CNTNAP5: variants seen among roughly 807,000 people sequenced by gnomAD.
CNTNAP5 encodes the protein contactin associated protein family member 5.
CNTNAP5 carries 72 observed loss-of-function variants against 150.2 expected under a neutral mutation model. The ratio of observed to expected loss-of-function variants is 0.48; its 90% CI spans 0.40 to 0.58. CNTNAP5 has a LOEUF of 0.58. Ranked by LOEUF, CNTNAP5 falls within the 20% of genes least tolerant of loss-of-function variation. CNTNAP5 has a pLI of 0.00. For missense variants in CNTNAP5, 1,636 were observed against 1,626.2 expected, an observed-to-expected ratio of 1.01 and a Z score of -0.10; for synonymous variants, 672 against 619.8, an observed-to-expected ratio of 1.08 and a Z score of -1.25.
intron 8 of CNTNAP5, among the ~76,000 whole-genome samples, chr2:124,515,307 G>A (rs1694684005): frequency 6.6e-6 from 1 of 152,128 alleles, no homozygotes; most frequent in Non-Finnish European, 1.5e-5. Flanking sequence ...CCCAAAACGT[G>A]ACTCAAACTC....
chr2:124,811,333 G>A (rs1682214091), intron 19 of CNTNAP5, among the ~76,000 whole-genome samples: 1 of 151,956 alleles, frequency 6.6e-6, no homozygotes, highest in African/African-American at 2.4e-5. Flanking sequence ...GAGAGGGTGG[G>A]GCAACAGCTG....
intron 1 of CNTNAP5, among the ~76,000 whole-genome samples, chr2:124,161,220 A>G (rs946256264): frequency 2.6e-5 from 4 of 152,142 alleles, no homozygotes; most frequent in Admixed American, 6.6e-5. Flanking sequence ...ATAGGGTGAG[A>G]TAGATGAAAG....
intron 7 of CNTNAP5, among the ~76,000 whole-genome samples, chr2:124,487,258 A>G (rs906863445): frequency 1.3e-5 from 2 of 152,206 alleles, no homozygotes; most frequent in African/African-American, 2.4e-5. Flanking sequence ...AGCTAAATAA[A>G]TATCTTCTCT....
intron 3 of CNTNAP5, among the ~76,000 whole-genome samples, chr2:124,276,008 T>C (rs1037504271): frequency 6.6e-6 from 1 of 152,068 alleles, no homozygotes; most frequent in African/African-American, 2.4e-5. Flanking sequence ...TGTTGTTTTC[T>C]TTATTTGTTT....
chr2:124,157,918 G>A (rs768721852), intron 1 of CNTNAP5, among the ~76,000 whole-genome samples: 12 of 152,178 alleles, frequency 7.9e-5, no homozygotes, highest in African/African-American at 1.7e-4. Context: ...CTAGCAAAGC[G>A]AAGGATGTTC....
At chr2:124,656,096 G>C (rs1413767273) in intron 13 of CNTNAP5, among the ~76,000 whole-genome samples, 1 of 150,466 alleles carries the variant, frequency 6.6e-6, no homozygotes, top group East Asian at 1.9e-4. Context: ...ACTGCCACTA[G>C]CCCACATTCC....
chr2:124,842,334 A>G lies in CNTNAP5; in HGVS notation c.3218-22972A>G, dbSNP rs376541489. Among the ~76,000 whole-genome samples the G allele has an allele frequency of 3.3e-5, 5 of 152,296 alleles. No individual in the cohort carries two copies. In the South Asian group the frequency reaches 6.2e-4, roughly 19 times the overall value. On this transcript the variant is annotated intron_variant, in intron 19 of 23. Coordinates refer to ENST00000682447, the MANE Select transcript of CNTNAP5 (RefSeq NM_001367498.1). ...AGTGTACCTTTTATACATGCAACAG[A>G]GACTGAATTCAAAGGGCAGGCCTGA...
chr2:124,676,543 AC>A (rs1335128375), intron 13 of CNTNAP5, among the ~76,000 whole-genome samples: 1 of 152,188 alleles, frequency 6.6e-6, no homozygotes, highest in Non-Finnish European at 1.5e-5. Context: ...GCTCCCATGG[AC>A]TGATATCTGA....
rs1685854295 is a variant in CNTNAP5, at chr2:124,206,008, C to T, written c.83-15697C>T. Among the ~76,000 whole-genome samples, 4 of 152,336 alleles carry T rather than the reference C, an allele frequency of 2.6e-5. No homozygotes were observed. The South Asian group carries it at 8.3e-4, about 32-fold the overall frequency. The stretch of plus-strand genomic sequence containing the variant: ...AGTTTCGTTTGAGTATATTCTGATA[C>T]ACATCTTGCTTTGCAGAGTATATGT... On this transcript the variant is annotated intron_variant, in intron 1 of 23. Transcript: ENST00000682447.
chr2:124,370,761 A>T (rs575354563), intron 3 of CNTNAP5, among the ~76,000 whole-genome samples: 1 of 152,114 alleles, frequency 6.6e-6, no homozygotes, highest in African/African-American at 2.4e-5. Context: ...AAGGGAGGAA[A>T]ATATCTTTCC....
intron 8 of CNTNAP5, among the ~76,000 whole-genome samples, chr2:124,505,334 A>T (rs1406235109): frequency 6.6e-6 from 1 of 152,220 alleles, no homozygotes; most frequent in Non-Finnish European, 1.5e-5. Flanking sequence ...CTGGGAATTT[A>T]TCCTGAATTT....
At chr2:124,133,511 T>C (rs1211250184) in intron 1 of CNTNAP5, among the ~76,000 whole-genome samples, 4 of 152,136 alleles carry the variant, frequency 2.6e-5, no homozygotes, top group Non-Finnish European at 5.9e-5. Flanking sequence ...ATTCTTTCTA[T>C]AGGAAATGCT....
intron 1 of CNTNAP5, among the ~76,000 whole-genome samples, chr2:124,210,233 C>T (rs888145745): frequency 6.6e-6 from 1 of 152,044 alleles, no homozygotes. Context: ...AGTCTTGTGA[C>T]ACTTTTTATT....
chr2:124,680,097 G>A (rs1679031978), intron 13 of CNTNAP5, among the ~76,000 whole-genome samples: 1 of 151,712 alleles, frequency 6.6e-6, no homozygotes. Flanking sequence ...AGAAAAAAGT[G>A]TACCACTTCT....
intron 3 of CNTNAP5, among the ~76,000 whole-genome samples, chr2:124,381,534 C>G (rs967958819): frequency 2.6e-5 from 4 of 151,870 alleles, no homozygotes; most frequent in African/African-American, 9.7e-5. Flanking sequence ...ATAGGATCAC[C>G]CCCCCCTCCA....
At chr2:124,635,286 C>T (rs1453596604) in intron 12 of CNTNAP5, among the ~76,000 whole-genome samples, 1 of 152,040 alleles carries the variant, frequency 6.6e-6, no homozygotes, top group Non-Finnish European at 1.5e-5. Flanking sequence ...ACAACCAGAT[C>T]CCATGAAAAC....
intron 11 of CNTNAP5, among the ~76,000 whole-genome samples, chr2:124,594,276 C>CTTTAG (rs1558696210): frequency 7.3e-6 from 1 of 137,424 alleles, no homozygotes; most frequent in East Asian, 2.6e-4. Flanking sequence ...TTAGGTCTAA[C>CTTTAG]GTTTAAATCT....
At chr2:124,075,136 C>G (rs982777665) in intron 1 of CNTNAP5, among the ~76,000 whole-genome samples, 1 of 152,008 alleles carries the variant, frequency 6.6e-6, no homozygotes, top group African/African-American at 2.4e-5. Flanking sequence ...ATTTAGTACA[C>G]CCTAATTTAA....
At chr2:124,617,474 T>C (rs1458313223) in intron 12 of CNTNAP5, among the ~76,000 whole-genome samples, 1 of 152,098 alleles carries the variant, frequency 6.6e-6, no homozygotes, top group Non-Finnish European at 1.5e-5. Context: ...ATCTCTGCCT[T>C]CTAGAGATTG....
Sources: allele counts gnomAD v4.1 joint callset (sites outside exome capture counted in the v4.1 genomes callset), GRCh38; gene constraint gnomAD v4.1.1; transcripts MANE v1.5; gene names NCBI Gene and HGNC (gene_info 2026-07-23, HGNC 2026-07-21).